The following PTPRD variants were observed in gnomAD, a reference collection of about 807,000 sequenced individuals.
PTPRD encodes the protein protein tyrosine phosphatase receptor type D.
In PTPRD, 34 loss-of-function variants were observed where a neutral mutation model predicts 214.5. The ratio of observed to expected loss-of-function variants is 0.16; its 90% CI spans 0.12 to 0.21. The LOEUF (loss-of-function observed/expected upper bound fraction) is 0.21, where lower values mean the gene tolerates loss of function less well. PTPRD is among the 10% of genes least tolerant of loss of function. The pLI is 1.00. For synonymous variants in PTPRD, 1,128 were observed against 845.7 expected, an observed-to-expected ratio of 1.33 and a Z score of -5.79; for missense variants, 2,545 against 2,398.7, an observed-to-expected ratio of 1.06 and a Z score of -1.27.
chr9:9,779,640 C>A (rs1314485537), intron 5 of PTPRD, among the ~76,000 whole-genome samples: 1 of 152,096 alleles, frequency 6.6e-6, no homozygotes, highest in African/African-American at 2.4e-5. Context: ...AAATGCCAAT[C>A]AAAACCACAG....
chr9:8,500,558 GAAAAAAAAAAAAAAAAAA>G (rs146807692), intron 24 of PTPRD, among the ~76,000 whole-genome samples, 178 bp downstream of exon 24: 1 of 14,310 alleles, frequency 7.0e-5, no homozygotes, highest in Admixed American at 1.7e-3. Flanking sequence ...TGAAAAAAAT[GAAAAAAAAAAAAAAAAAA>G]AAAAAAAAAA....
At chr9:8,458,537 C>G (rs2096280592) in intron 33 of PTPRD, among the ~76,000 whole-genome samples, 1 of 152,056 alleles carries the variant, frequency 6.6e-6, no homozygotes, top group Non-Finnish European at 1.5e-5. Flanking sequence ...ATGTGACTAC[C>G]TAAATCAATA....
intron 11 of PTPRD, among the ~76,000 whole-genome samples, chr9:8,792,951 T>C (rs907154383): frequency 1.3e-5 from 2 of 152,166 alleles, no homozygotes; most frequent in African/African-American, 4.8e-5. Context: ...ATTTAAGATC[T>C]TTACATTTCA....
At chr9:10,287,962 T>C (rs946414858) in intron 3 of PTPRD, among the ~76,000 whole-genome samples, 2 of 151,914 alleles carry the variant, frequency 1.3e-5, no homozygotes, top group African/African-American at 4.8e-5. Flanking sequence ...GTTGCATGAT[T>C]TATGTTTTAA....
At chr9:8,330,597 G>A (rs1215088883) in intron 44 of PTPRD, among the ~76,000 whole-genome samples, 2 of 151,934 alleles carry the variant, frequency 1.3e-5, no homozygotes, top group Admixed American at 6.6e-5. Flanking sequence ...ATAGATAAAG[G>A]TTTGCTTCTT....
rs1315558635 is a variant in PTPRD, at chr9:10,171,678, C to G, written c.-544-137888G>C. ...TAGCTGGGACCACAGGCGCCCGCTA[C>G]CACGCCCGGCTAATTTTTGTATTTT... is the stretch of plus-strand genomic sequence containing the variant. On this transcript the variant is annotated intron_variant, in intron 3 of 45. Coordinates refer to ENST00000381196, the MANE Select transcript of PTPRD (RefSeq NM_002839.4). Among the ~76,000 whole-genome samples, 3 of 152,118 alleles carry G rather than the reference C, an allele frequency of 2.0e-5. No individual in the cohort carries two copies. In the East Asian group the frequency reaches 5.8e-4, roughly 29 times the overall value.
At chr9:10,409,391 T>C (rs541978815) in intron 2 of PTPRD, among the ~76,000 whole-genome samples, 1 of 151,902 alleles carries the variant, frequency 6.6e-6, no homozygotes, top group East Asian at 2.0e-4. Flanking sequence ...TAATCCTTCA[T>C]ATTATGGTCA....
At chr9:10,106,300 T>C (rs2098632092) in intron 3 of PTPRD, among the ~76,000 whole-genome samples, 1 of 151,938 alleles carries the variant, frequency 6.6e-6, no homozygotes, top group South Asian at 2.1e-4. Context: ...CCACATTTAA[T>C]TTTTTGATCG....
intron 5 of PTPRD, among the ~76,000 whole-genome samples, chr9:9,853,182 T>A (rs2060875529): frequency 6.6e-6 from 1 of 152,238 alleles, no homozygotes; most frequent in Admixed American, 6.5e-5. Flanking sequence ...CTTAGCCTTT[T>A]CAGGACAAAC....
intron 10 of PTPRD, among the ~76,000 whole-genome samples, chr9:9,087,887 T>TTTA (rs1446706425): frequency 7.5e-6 from 1 of 132,750 alleles, no homozygotes; most frequent in African/African-American, 2.8e-5. Context: ...TCTTTTTTTT[T>TTTA]TTTTTTTTTT....
At chr9:9,650,270 C>T (rs1057103064) in intron 7 of PTPRD, among the ~76,000 whole-genome samples, 1 of 152,194 alleles carries the variant, frequency 6.6e-6, no homozygotes, top group Non-Finnish European at 1.5e-5. Flanking sequence ...CCCAGCCATG[C>T]AGAACCGTGA....
At chr9:9,985,580 A>G (rs1362738943) in intron 4 of PTPRD, among the ~76,000 whole-genome samples, 1 of 152,178 alleles carries the variant, frequency 6.6e-6, no homozygotes, top group Non-Finnish European at 1.5e-5. Context: ...ACTTATTCAT[A>G]ATCCAAACAA....
intron 9 of PTPRD, among the ~76,000 whole-genome samples, chr9:9,209,345 C>A (rs1175505737): frequency 6.6e-6 from 1 of 152,064 alleles, no homozygotes; most frequent in East Asian, 1.9e-4. Context: ...AAATTAGAGG[C>A]AGAACCTAGA....
intron 10 of PTPRD, among the ~76,000 whole-genome samples, chr9:9,019,730 TTTA>T (rs1392407814): frequency 1.3e-5 from 2 of 152,102 alleles, no homozygotes; most frequent in South Asian, 2.1e-4. Flanking sequence ...AACATGGAAG[TTTA>T]TTATTAATAT....
intron 2 of PTPRD, among the ~76,000 whole-genome samples, chr9:10,487,284 C>T (rs1206724633): frequency 2.6e-5 from 4 of 152,110 alleles, no homozygotes; most frequent in African/African-American, 7.2e-5. Flanking sequence ...GCTTAGTCCA[C>T]TTACATTCAA....
intron 11 of PTPRD, among the ~76,000 whole-genome samples, chr9:8,903,592 C>A (rs555261968): frequency 6.6e-6 from 1 of 152,096 alleles, no homozygotes; most frequent in Non-Finnish European, 1.5e-5. Context: ...ACAATTTTGA[C>A]ATGAAGTATC....
chr9:9,845,615 A>G (rs892220727), intron 5 of PTPRD, among the ~76,000 whole-genome samples: 11 of 152,136 alleles, frequency 7.2e-5, no homozygotes, highest in African/African-American at 2.6e-4. Context: ...ATTCAAAATC[A>G]TGTCCTATTC....
chr9:10,316,229 C>A (rs1483647750), intron 3 of PTPRD, among the ~76,000 whole-genome samples: 1 of 149,846 alleles, frequency 6.7e-6, no homozygotes, highest in Non-Finnish European at 1.5e-5. Context: ...GACGACTGTG[C>A]ACTATTATAC....
At chr9:9,070,542 A>C (rs1047866270) in intron 10 of PTPRD, among the ~76,000 whole-genome samples, 1 of 152,124 alleles carries the variant, frequency 6.6e-6, no homozygotes, top group Non-Finnish European at 1.5e-5. Flanking sequence ...TGCCCATTTG[A>C]AAAAAGGGGA....
Sources: gnomAD v4.1 joint callset for allele counts (sites outside exome capture counted in the v4.1 genomes callset) on GRCh38, gnomAD v4.1.1 for gene constraint, MANE v1.5 for transcripts, NCBI Gene and HGNC (gene_info 2026-07-23, HGNC 2026-07-21) for gene names.